The following RUNDC3B variants were observed in gnomAD, a reference collection of about 807,000 sequenced individuals.
RUNDC3B encodes the protein RUN domain containing 3B.
In RUNDC3B, 33 loss-of-function variants were observed where a neutral mutation model predicts 58.4. The ratio of observed to expected loss-of-function variants is 0.56; its 90% confidence interval spans 0.43 to 0.75. The LOEUF (loss-of-function observed/expected upper bound fraction) is 0.75. Ranked by LOEUF, RUNDC3B falls within the 30% of genes least tolerant of loss-of-function variation. The pLI is 0.00. For missense variants in RUNDC3B, 501 were observed against 535.7 expected, an observed-to-expected ratio of 0.94 and a Z score of 0.64; for synonymous variants, 193 against 195.2, an observed-to-expected ratio of 0.99 and a Z score of 0.10.
In RUNDC3B at chr7:87,802,649, T is replaced by C. The variant is rs187111151; in HGVS notation, c.957-4724T>C. Among the ~76,000 whole-genome samples, 7 of 152,380 alleles carry C rather than the reference T, an allele frequency of 4.6e-5. No homozygotes were observed. The East Asian group carries it at 1.3e-3, about 29-fold the overall frequency. On this transcript the variant is annotated intron_variant, in intron 8 of 10. Transcript: ENST00000394654. ...CCCTGGTATGATTATTACATGCCTC[T>C]GTCAAAATATCTCATGTAACTCATA... is the stretch of plus-strand genomic sequence containing the variant.
chr7:87,628,894 T>G lies in RUNDC3B; in HGVS notation c.71T>G (p.Leu24Arg). The G allele has an allele frequency of 7.7e-7, 1 of 1,303,848 alleles. No homozygotes were observed. Among genetic ancestry groups the G allele is most frequent in the Non-Finnish European group, 9.8e-7 (1 of 1,018,532 alleles). The allele number at this position is 1,303,848 out of a possible 1,614,324, so 80.8% of individuals were successfully genotyped here. The stretch of plus-strand genomic sequence containing the variant: ...GGCGGCGGAGGCGGCAAGAAAAGCC[T>G]GAGCGCCCGCAATGCTGCGGTGGAG... ...GGGGGGGKKS[L>R]SARNAAVERR... Residue 24 changes from leucine to arginine, a missense_variant, in exon 1 of 11, where the codon CTG becomes CGG. By Grantham distance (102) the Leu-to-Arg change is moderately radical. Coordinates refer to ENST00000394654, the MANE Select transcript of RUNDC3B (RefSeq NM_001134405.2).
chr7:87,689,801 G>A lies in RUNDC3B; in HGVS notation c.239-10620G>A, dbSNP rs553475535. On this transcript the variant is annotated intron_variant, in intron 2 of 10. Coordinates refer to ENST00000394654, the MANE Select transcript of RUNDC3B (RefSeq NM_001134405.2). Reference sequence around the variant, plus strand: ...TCTTTTCCTTAAGGTGAACAATATCGCTGCAAGCTGCTTTGCTAGACGTCT... The same window carrying A: ...TCTTTTCCTTAAGGTGAACAATATCACTGCAAGCTGCTTTGCTAGACGTCT... 1.2e-4 allele frequency among the ~76,000 whole-genome samples: 18 copies of A among 151,964 alleles called. No homozygotes were observed. In the South Asian group the frequency reaches 2.3e-3, roughly 19 times the overall value.
At chr7:87,633,614 A>G (rs1213223324) in intron 1 of RUNDC3B, among the ~76,000 whole-genome samples, 1 of 151,738 alleles carries the variant, frequency 6.6e-6, no homozygotes, top group Non-Finnish European at 1.5e-5. Context: ...TGACTTGCAG[A>G]TTATAATTGG....
intron 2 of RUNDC3B, among the ~76,000 whole-genome samples, chr7:87,654,800 C>T (rs1419570511): frequency 6.6e-6 from 1 of 152,042 alleles, no homozygotes; most frequent in East Asian, 1.9e-4. Context: ...ATTTAAAAAC[C>T]ACACATCGGA....
At position 87,655,556 on chromosome 7, in the gene RUNDC3B, G is replaced by A. The variant is rs545459380; in HGVS notation, c.238+4619G>A. Among the ~76,000 whole-genome samples the A allele has an allele frequency of 1.3e-4, 20 of 152,248 alleles. No homozygotes were observed. The South Asian group carries it at 1.7e-3, about 13-fold the overall frequency. ...AGTAGAGAGTAGAATGGTGGTTACCGTGTGCTGGAAGGAGAGGGATCAGAG... is the reference window on the plus strand; with the variant it reads ...AGTAGAGAGTAGAATGGTGGTTACCATGTGCTGGAAGGAGAGGGATCAGAG... On this transcript the variant is annotated intron_variant, in intron 2 of 10. Coordinates refer to ENST00000394654, the MANE Select transcript of RUNDC3B (RefSeq NM_001134405.2).
intron 1 of RUNDC3B, among the ~76,000 whole-genome samples, chr7:87,635,124 A>T (rs1821631087): frequency 6.6e-6 from 1 of 152,136 alleles, no homozygotes; most frequent in African/African-American, 2.4e-5. Context: ...TCAAGGGGGA[A>T]TGTTTGAAGC....
chr7:87,789,606 TAAAATC>T (rs1412245005), intron 8 of RUNDC3B, among the ~76,000 whole-genome samples: 3 of 152,194 alleles, frequency 2.0e-5, no homozygotes, highest in Admixed American at 2.0e-4. Context: ...AATTTAAAAT[TAAAATC>T]ATGTTAATAT....
intron 10 of RUNDC3B, among the ~76,000 whole-genome samples, chr7:87,822,421 C>T (rs1205951397): frequency 2.0e-5 from 3 of 152,124 alleles, no homozygotes; most frequent in Non-Finnish European, 4.4e-5. Context: ...AAAATAGGAA[C>T]ACTTTTACAC....
At chr7:87,773,548 G>A (rs1453650201) in intron 7 of RUNDC3B, among the ~76,000 whole-genome samples, 1 of 152,014 alleles carries the variant, frequency 6.6e-6, no homozygotes, top group Non-Finnish European at 1.5e-5. Context: ...TAATAAACCT[G>A]ATCTAAAATA....
chr7:87,725,862 T>C (rs1831198148), intron 4 of RUNDC3B, among the ~76,000 whole-genome samples: 2 of 152,232 alleles, frequency 1.3e-5, no homozygotes, highest in Non-Finnish European at 2.9e-5. Flanking sequence ...CATTTTTTCA[T>C]GTGTCTGTTG....
chr7:87,746,210 T>C (rs538003239), intron 6 of RUNDC3B, among the ~76,000 whole-genome samples: 4 of 152,334 alleles, frequency 2.6e-5, no homozygotes, highest in Non-Finnish European at 4.4e-5. Context: ...AGGTTCATTT[T>C]ATGGCCTATC....
At chr7:87,673,926 A>G (rs1585064081) in intron 2 of RUNDC3B, among the ~76,000 whole-genome samples, 1 of 152,174 alleles carries the variant, frequency 6.6e-6, no homozygotes, top group South Asian at 2.1e-4. Context: ...TGATTGTGAT[A>G]TAAGGTAGGT....
chr7:87,783,717 ATTGC>A (rs1360451709), intron 8 of RUNDC3B, among the ~76,000 whole-genome samples: 1 of 152,116 alleles, frequency 6.6e-6, no homozygotes, highest in Non-Finnish European at 1.5e-5. Context: ...TTTCACAGTG[ATTGC>A]TTGTCTGGAA....
intron 2 of RUNDC3B, among the ~76,000 whole-genome samples, chr7:87,658,784 A>G (rs893632390): frequency 6.6e-6 from 1 of 152,198 alleles, no homozygotes; most frequent in Non-Finnish European, 1.5e-5. Context: ...CAATGAAGGA[A>G]ACATTAAGAC....
chr7:87,725,650 C>T (rs1201690325), intron 4 of RUNDC3B, among the ~76,000 whole-genome samples: 1 of 152,176 alleles, frequency 6.6e-6, no homozygotes, highest in Admixed American at 6.5e-5. Flanking sequence ...GTTCTAGATC[C>T]TTGAGGAATT....
chr7:87,789,546 T>C (rs1029421), intron 8 of RUNDC3B, among the ~76,000 whole-genome samples: 97,213 of 152,052 alleles, frequency 0.64, 33,440 homozygotes, highest in African/African-American at 0.91. Context: ...TATGACAGTT[T>C]CTACTCATCT....
chr7:87,700,369 T>A, intron 2 of RUNDC3B, 52 bp from the exon 3 acceptor site: 1 of 1,428,554 alleles, frequency 7.0e-7, no homozygotes. Flanking sequence ...CATTTTCAAG[T>A]CTAGTTTTAT....
chr7:87,666,502 A>G (rs1324995437), intron 2 of RUNDC3B, among the ~76,000 whole-genome samples: 1 of 151,992 alleles, frequency 6.6e-6, no homozygotes, highest in East Asian at 1.9e-4. Flanking sequence ...AATTAGATCC[A>G]TTTGTCAATT....
intron 8 of RUNDC3B, among the ~76,000 whole-genome samples, chr7:87,804,351 T>C (rs1177655557): frequency 6.6e-6 from 1 of 152,170 alleles, no homozygotes; most frequent in Non-Finnish European, 1.5e-5. Flanking sequence ...TTTACAAGTG[T>C]CAGAACCTGC....
Sources: allele counts gnomAD v4.1 joint callset (sites outside exome capture counted in the v4.1 genomes callset), GRCh38; gene constraint gnomAD v4.1.1; transcripts MANE v1.5; gene names NCBI Gene and HGNC (gene_info 2026-07-23, HGNC 2026-07-21).